The following FAM78B variants were observed in gnomAD, a reference collection of about 807,000 sequenced individuals.
FAM78B encodes family with sequence similarity 78 member B.
FAM78B carries 10 observed loss-of-function variants against 20.0 expected under a neutral mutation model. The observed-to-expected ratio is 0.50, with a 90% CI of 0.31 to 0.85. The LOEUF is 0.85. Ranked by LOEUF, FAM78B falls within the 40% of genes least tolerant of loss-of-function variation. FAM78B has a pLI of 0.05. For synonymous variants in FAM78B, 135 were observed against 132.8 expected (o/e 1.02, Z -0.12); for missense variants, 283 against 345.0 (o/e 0.82, Z 1.42).
intron 1 of FAM78B, among the ~76,000 whole-genome samples, chr1:166,115,557 G>C (rs1201744291): frequency 6.6e-6 from 1 of 152,228 alleles, no homozygotes; most frequent in Admixed American, 6.5e-5. Flanking sequence ...TTATTGTGCA[G>C]CATCTGTGTG....
At chr1:166,157,661 A>C (rs1195693553) in intron 1 of FAM78B, among the ~76,000 whole-genome samples, 2 of 152,166 alleles carry the variant, frequency 1.3e-5, no homozygotes, top group Non-Finnish European at 2.9e-5. Context: ...CCAGATGGGA[A>C]TCCTTGTTCT....
exon 3 of FAM78B, chr1:166,059,969 A>G (rs555899121): frequency 6.5e-6 from 1 of 152,730 alleles, no homozygotes; most frequent in Non-Finnish European, 1.5e-5. Context: ...GCCAATAAAT[A>G]AACCAATAAA....
chr1:166,128,871 T>C (rs1654738945), intron 1 of FAM78B, among the ~76,000 whole-genome samples: 1 of 152,188 alleles, frequency 6.6e-6, no homozygotes, highest in South Asian at 2.1e-4. Context: ...CTGGGAGCCA[T>C]TACTTTGATT....
chr1:166,156,680 C>T (rs746896894), intron 1 of FAM78B, among the ~76,000 whole-genome samples: 7 of 152,142 alleles, frequency 4.6e-5, no homozygotes, highest in Non-Finnish European at 1.0e-4. Flanking sequence ...AATAAAGTAC[C>T]TTAAAAATAG....
At chr1:166,155,320 G>A (rs1426989086) in intron 1 of FAM78B, among the ~76,000 whole-genome samples, 1 of 152,176 alleles carries the variant, frequency 6.6e-6, no homozygotes, top group Non-Finnish European at 1.5e-5. Context: ...TCTAAATCTG[G>A]CTCTGGCACT....
chr1:166,111,936 A>C (rs1179461277), intron 1 of FAM78B, among the ~76,000 whole-genome samples: 1 of 152,150 alleles, frequency 6.6e-6, no homozygotes, highest in Non-Finnish European at 1.5e-5. Context: ...TGCCTAAGAG[A>C]ATATAAGTTG....
intron 1 of FAM78B, among the ~76,000 whole-genome samples, chr1:166,109,024 AC>A (rs1312017264): frequency 6.6e-6 from 1 of 152,218 alleles, no homozygotes; most frequent in Non-Finnish European, 1.5e-5. Flanking sequence ...TGAATTAAGG[AC>A]CTAAACCTAA....
At chr1:166,076,672 A>G (rs992317681) in intron 1 of FAM78B, among the ~76,000 whole-genome samples, 1 of 152,196 alleles carries the variant, frequency 6.6e-6, no homozygotes, top group African/African-American at 2.4e-5. Flanking sequence ...ATTCACTGCT[A>G]TATCTCCAGT....
chr1:166,132,467 TTAAG>T (rs1654910864), intron 1 of FAM78B, among the ~76,000 whole-genome samples: 1 of 152,150 alleles, frequency 6.6e-6, no homozygotes, highest in Non-Finnish European at 1.5e-5. Context: ...TTGTTGAGGA[TTAAG>T]TGAGATGTTT....
At chr1:166,120,903 T>TC (rs1654443261) in intron 1 of FAM78B, among the ~76,000 whole-genome samples, 1 of 152,226 alleles carries the variant, frequency 6.6e-6, no homozygotes, top group Admixed American at 6.5e-5. Flanking sequence ...TCCAACACTC[T>TC]CCCCTTCATC....
chr1:166,066,771 C>T (rs1026981298), downstream of FAM78B, among the ~76,000 whole-genome samples: 3 of 152,048 alleles, frequency 2.0e-5, no homozygotes, highest in Non-Finnish European at 4.4e-5. Context: ...ATTATCATTC[C>T]AGCACCAGGA....
intron 1 of FAM78B, among the ~76,000 whole-genome samples, chr1:166,100,940 C>T (rs974186804): frequency 1.3e-5 from 2 of 152,236 alleles, no homozygotes; most frequent in African/African-American, 4.8e-5. Flanking sequence ...GGGAGGCACC[C>T]CCAGTAGGGG....
At chr1:166,066,382 T>C (rs113233185), downstream of FAM78B, among the ~76,000 whole-genome samples, 142 of 152,322 alleles carry the variant, frequency 9.3e-4, 1 homozygote, top group Middle Eastern at 0.01. Flanking sequence ...ATTTAATAGA[T>C]TGGGAGAGAC....
At chr1:166,086,399 T>C (rs1652830433) in intron 1 of FAM78B, among the ~76,000 whole-genome samples, 1 of 152,112 alleles carries the variant, frequency 6.6e-6, no homozygotes, top group Non-Finnish European at 1.5e-5. Flanking sequence ...CTCTCATTTC[T>C]CTCACTGGCG....
chr1:166,121,012 T>C (rs1271259867), intron 1 of FAM78B, among the ~76,000 whole-genome samples: 1 of 152,260 alleles, frequency 6.6e-6, no homozygotes, highest in Non-Finnish European at 1.5e-5. Flanking sequence ...TGACCTTTCT[T>C]GATCTCATTC....
chr1:166,126,173 C>A (rs761442048), intron 1 of FAM78B, among the ~76,000 whole-genome samples: 31 of 152,064 alleles, frequency 2.0e-4, no homozygotes, highest in Non-Finnish European at 3.8e-4. Flanking sequence ...TATATTCAAT[C>A]CATGGTTGGC....
intron 1 of FAM78B, among the ~76,000 whole-genome samples, chr1:166,157,710 C>T (rs73046960): frequency 2.4e-3 from 370 of 152,240 alleles, no homozygotes; most frequent in African/African-American, 8.5e-3. Flanking sequence ...AGCAACTGCC[C>T]GGAGAGTTTG....
Position 166,070,361 on chromosome 1 carries a change from G to T in FAM78B, c.666C>A (p.Ile222=). 6.2e-7 allele frequency: 1 copy of T among 1,613,522 alleles called. No individual in the cohort carries two copies. The highest frequency in any genetic ancestry group is 8.5e-7 in the Non-Finnish European group (1 of 1,179,610). ...GGGGGATGGGTTCCATCCGGCTCAGGATCCGGGGCTGCTCCTGCTGAGTCC... is the reference window on the plus strand; with the variant it reads ...GGGGGATGGGTTCCATCCGGCTCAGTATCCGGGGCTGCTCCTGCTGAGTCC... ...VGRTQQEQPR[I]LSRMEPIPPN... The change falls in exon 2 of 2, where the codon ATC becomes ATA. Residue 222 remains isoleucine (I), a synonymous_variant. Transcript: ENST00000354422.
intron 1 of FAM78B, among the ~76,000 whole-genome samples, chr1:166,100,656 C>T (rs1348930283): frequency 1.3e-5 from 2 of 152,346 alleles, no homozygotes; most frequent in Admixed American, 6.5e-5. Context: ...GGGGCGCCTG[C>T]CATTGCTGAG....
Sources: allele counts gnomAD v4.1 joint callset (sites outside exome capture counted in the v4.1 genomes callset), GRCh38; gene constraint gnomAD v4.1.1; transcripts MANE v1.5; gene names NCBI Gene and HGNC (gene_info 2026-07-23, HGNC 2026-07-21).